CACNG3: variants seen among roughly 807,000 people sequenced by gnomAD.
The protein encoded by CACNG3 is voltage-dependent calcium channel gamma-3 subunit.
Under a neutral mutation model 28.5 loss-of-function variants are expected in CACNG3, and 3 were observed. That is an observed-to-expected ratio of 0.11 (90% CI 0.05 to 0.27). The LOEUF is 0.27. Among genes scored for constraint, CACNG3 ranks in the 10% least tolerant of loss-of-function variants. The pLI is 1.00. For synonymous variants in CACNG3, 174 were observed against 162.2 expected (o/e 1.07, Z -0.55); for missense variants, 236 against 414.4 (o/e 0.57, Z 3.74).
intron 1 of CACNG3, among the ~76,000 whole-genome samples, chr16:24,271,402 G>A (rs934721654): frequency 1.3e-5 from 2 of 152,122 alleles, no homozygotes; most frequent in South Asian, 2.1e-4. Flanking sequence ...TTTAAATGAC[G>A]TTGATGTAGA....
chr16:24,342,692 T>G (rs1273816997), intron 1 of CACNG3, among the ~76,000 whole-genome samples: 1 of 152,218 alleles, frequency 6.6e-6, no homozygotes, highest in Non-Finnish European at 1.5e-5. Flanking sequence ...ATGAGGAAAT[T>G]GAAGCAATAT....
At chr16:24,258,817 T>C (rs926128000) in intron 1 of CACNG3, among the ~76,000 whole-genome samples, 2 of 152,264 alleles carry the variant, frequency 1.3e-5, no homozygotes, top group African/African-American at 4.8e-5. Flanking sequence ...TTCCAATTCT[T>C]CTGCCTCTGG....
At chr16:24,258,815 C>A (rs1043208803) in intron 1 of CACNG3, among the ~76,000 whole-genome samples, 3 of 152,204 alleles carry the variant, frequency 2.0e-5, no homozygotes, top group South Asian at 2.1e-4. Flanking sequence ...ATTTCCAATT[C>A]TTCTGCCTCT....
Position 24,347,024 on chromosome 16 carries a change from A to C in CACNG3, c.295+207A>C, listed in dbSNP as rs569699948. ...TCAATGAATTAGAAACAGAAAGAAG[A>C]AGCAGGGGGTAGGGTGGGGGATGGT... On this transcript the variant is annotated intron_variant, in intron 2 of 3. Coordinates refer to ENST00000005284, the MANE Select transcript of CACNG3 (RefSeq NM_006539.4). Among the ~76,000 whole-genome samples the C allele has an allele frequency of 7.9e-4, 120 of 152,270 alleles. 1 individual carries two copies. Among genetic ancestry groups the C allele is most frequent in the African/African-American group, 2.8e-3 (115 of 41,574 alleles).
At chr16:24,306,455 G>A (rs1191075195) in intron 1 of CACNG3, among the ~76,000 whole-genome samples, 1 of 152,148 alleles carries the variant, frequency 6.6e-6, no homozygotes, top group Non-Finnish European at 1.5e-5. Flanking sequence ...GACAGGGGAC[G>A]CCTGGCAGTT....
chr16:24,295,294 T>A (rs1851179393), intron 1 of CACNG3, among the ~76,000 whole-genome samples: 1 of 151,172 alleles, frequency 6.6e-6, no homozygotes, highest in African/African-American at 2.4e-5. Context: ...CAGAATGGGG[T>A]TTCATTCTAC....
At chr16:24,309,591 G>GGGGTGCC (rs763294825) in intron 1 of CACNG3, among the ~76,000 whole-genome samples, 56 of 152,342 alleles carry the variant, frequency 3.7e-4, no homozygotes, top group Admixed American at 9.1e-4. Context: ...CTTTCATGCA[G>GGGGTGCC]GGGTGCCTGG....
rs56177117 is a variant in CACNG3, at chr16:24,317,620, A to C, written c.212-29114A>C. On this transcript the variant is annotated intron_variant, in intron 1 of 3. Transcript: ENST00000005284. ...AAAGAAAGAAAGAAAGAAAGAAAGAAAGAAAGACAGACAGAAAGAAAGAAA... is the reference window on the plus strand; with the variant it reads ...AAAGAAAGAAAGAAAGAAAGAAAGACAGAAAGACAGACAGAAAGAAAGAAA... Among the ~76,000 whole-genome samples the C allele has an allele frequency of 6.2e-3, 372 of 60,310 alleles. 16 individuals carry two copies. The highest frequency in any genetic ancestry group is 0.026 in the Middle Eastern group (4 of 152). The allele number at this position is 60,310 out of a possible 152,430, so 39.6% of individuals were successfully genotyped here.
chr16:24,331,510 G>T (rs1028591132), intron 1 of CACNG3, among the ~76,000 whole-genome samples: 5 of 152,178 alleles, frequency 3.3e-5, no homozygotes, highest in Admixed American at 2.6e-4. Flanking sequence ...CACTTTCAAT[G>T]ATTCCTCTAA....
Position 24,257,095 on chromosome 16 carries a change from C to T in CACNG3, c.211+130C>T. On this transcript the variant is annotated intron_variant, in intron 1 of 3. Coordinates refer to ENST00000005284, the MANE Select transcript of CACNG3 (RefSeq NM_006539.4). ...ATTATTGCTGAGAATGTGCAGGTGC[C>T]CAGACTCTGTTAACAGCAAGACTGA... 3 of 662,248 alleles carry T rather than the reference C, an allele frequency of 4.5e-6. No homozygotes were observed. The South Asian group carries it at 5.5e-5, about 12-fold the overall frequency. 41.0% of individuals were successfully genotyped at this position (662,248 alleles called of 1,614,324 possible).
At position 24,319,581 on chromosome 16, in the gene CACNG3, C is replaced by T. The variant is rs115833153; in HGVS notation, c.212-27153C>T. 9.3e-3 allele frequency among the ~76,000 whole-genome samples: 1,397 copies of T among 150,326 alleles called. 30 individuals carry two copies. Among genetic ancestry groups the T allele is most frequent in the African/African-American group, 0.033 (1,341 of 40,844 alleles). ...CAACAACAGGGACAATAGGCATGTG[C>T]CATGCCTGGCTTTTATTTATTTATT... On this transcript the variant is annotated intron_variant, in intron 1 of 3. Coordinates refer to ENST00000005284, the MANE Select transcript of CACNG3 (RefSeq NM_006539.4).
chr16:24,334,879 A>G (rs113597692), intron 1 of CACNG3, among the ~76,000 whole-genome samples: 1,823 of 152,268 alleles, frequency 0.012, 41 homozygotes, highest in African/African-American at 0.041. Context: ...ACCCACATGC[A>G]CAGGTCTGCA....
At chr16:24,265,304 A>C (rs1471028100) in intron 1 of CACNG3, among the ~76,000 whole-genome samples, 1 of 151,096 alleles carries the variant, frequency 6.6e-6, no homozygotes, top group Admixed American at 6.6e-5. Context: ...GGAAGGAAGG[A>C]AAAAGAGAAG....
chr16:24,300,899 A>G (rs1386953531), intron 1 of CACNG3, among the ~76,000 whole-genome samples: 1 of 152,078 alleles, frequency 6.6e-6, no homozygotes, highest in African/African-American at 2.4e-5. Context: ...AAATACAAAA[A>G]TTAGCCGGAT....
chr16:24,331,350 G>T (rs570604689), intron 1 of CACNG3, among the ~76,000 whole-genome samples: 1 of 152,266 alleles, frequency 6.6e-6, no homozygotes, highest in African/African-American at 2.4e-5. Context: ...GTGCAGAAAT[G>T]GACAGGTAGC....
At chr16:24,323,888 C>T (rs1035952179) in intron 1 of CACNG3, among the ~76,000 whole-genome samples, 1 of 152,180 alleles carries the variant, frequency 6.6e-6, no homozygotes, top group Non-Finnish European at 1.5e-5. Context: ...CTGCCTCAGT[C>T]TCCCGATGAG....
intron 2 of CACNG3, among the ~76,000 whole-genome samples, chr16:24,349,824 C>T (rs1596651789): frequency 6.6e-6 from 1 of 152,176 alleles, no homozygotes; most frequent in South Asian, 2.1e-4. Context: ...CAGGTCTCAG[C>T]TTCATTTCAC....
At chr16:24,355,333 GGA>G (rs1900015537) in intron 3 of CACNG3, among the ~76,000 whole-genome samples, 1 of 151,878 alleles carries the variant, frequency 6.6e-6, no homozygotes, top group South Asian at 2.1e-4. Context: ...GATTGACTGG[GGA>G]GGCTACAGCA....
chr16:24,280,641 C>A (rs1054500137), intron 1 of CACNG3, among the ~76,000 whole-genome samples: 1 of 151,590 alleles, frequency 6.6e-6, no homozygotes, highest in South Asian at 2.1e-4. Context: ...TATGGTGAAA[C>A]CCTGTCTCTA....
Sources: gnomAD v4.1 joint callset for allele counts (sites outside exome capture counted in the v4.1 genomes callset) on GRCh38, gnomAD v4.1.1 for gene constraint, MANE v1.5 for transcripts, NCBI Gene and HGNC (gene_info 2026-07-23, HGNC 2026-07-21) for gene names.